Variants in ZNF93 observed in about 807,000 individuals in gnomAD.
ZNF93 encodes the protein zinc finger protein 93.
ZNF93 carries 29 observed loss-of-function variants against 45.0 expected under a neutral mutation model. The observed-to-expected ratio is 0.64, with a 90% CI of 0.48 to 0.88. The LOEUF is 0.88. Ranked by LOEUF, ZNF93 falls within the 40% of genes least tolerant of loss-of-function variation. The pLI, the probability that ZNF93 is intolerant of heterozygous loss-of-function variation, is 0.00. For synonymous variants in ZNF93, 223 were observed against 244.6 expected, an observed-to-expected ratio of 0.91 and a Z score of 0.82; for missense variants, 578 against 724.0, an observed-to-expected ratio of 0.80 and a Z score of 2.31.
intron 1 of ZNF93, among the ~76,000 whole-genome samples, chr19:19,910,354 A>C (rs1230973599): frequency 6.6e-6 from 1 of 152,194 alleles, no homozygotes; most frequent in Non-Finnish European, 1.5e-5. Flanking sequence ...CACTATTGCC[A>C]CAAGTAATTA....
In ZNF93 at chr19:19,900,957, C is replaced by G; in HGVS notation, c.-132C>G. 6.9e-7 allele frequency: 1 copy of G among 1,444,210 alleles called. No homozygotes were observed. The allele number at this position is 1,444,210 out of a possible 1,614,324, so 89.5% of individuals were successfully genotyped here. On this transcript the variant is annotated 5_prime_UTR_variant, in exon 1 of 4. Transcript: ENST00000343769. ...TTGGCGGGTCCTTTGTCTCTCGGTG[C>G]AGCCGGAGCTCCAGGTCTCCTCTTC... is the stretch of plus-strand genomic sequence containing the variant.
At chr19:19,916,382 G>A (rs1360461702) in intron 2 of ZNF93, among the ~76,000 whole-genome samples, 178 bp from the exon 3 acceptor site, 17 of 152,146 alleles carry the variant, frequency 1.1e-4, no homozygotes. Flanking sequence ...ACAGGCGTGA[G>A]CCACTGCACC....
At position 19,934,698 on chromosome 19, in the gene ZNF93, T is replaced by G. The variant is rs2063387615; in HGVS notation, c.1743T>G (p.Ser581=). The change falls in exon 4 of 4, where the codon TCT becomes TCG. Residue 581 remains serine (S), a synonymous_variant. Coordinates refer to ENST00000343769, the MANE Select transcript of ZNF93 (RefSeq NM_031218.4). ...GKAFNHSATL[S]SHKKIHSGEK... is the part of the protein sequence containing the mutation. ...CTTTTAACCATTCTGCAACCCTTTC[T>G]TCACATAAGAAAATCCATTCTGGAG... 1 of 1,613,650 alleles carries G rather than the reference T, an allele frequency of 6.2e-7. No individual in the cohort carries two copies. The highest frequency in any genetic ancestry group is 8.5e-7 in the Non-Finnish European group (1 of 1,179,782).
In ZNF93 at chr19:19,933,862, CAT is replaced by C. The variant is rs776291638; in HGVS notation, c.909_910del (p.His303GlnfsTer13). On this transcript the variant is annotated frameshift_variant, in exon 4 of 4. Coordinates refer to ENST00000343769, the MANE Select transcript of ZNF93 (RefSeq NM_031218.4). LOFTEE classifies it high-confidence loss of function. ...AFNQSSTLTK[H>X]KKIHTGEKPY... is the part of the protein sequence containing the mutation. ...TAACCAATCCTCAACACTTACTAAA[CAT>C]AAGAAAATTCATACTGGAGAGAAGC... 6 of 1,613,026 alleles carry C rather than the reference CAT, an allele frequency of 3.7e-6. No individual in the cohort carries two copies. Among genetic ancestry groups the C allele is most frequent in the Admixed American group, 1.7e-5 (1 of 59,922 alleles).
At chr19:19,904,520 A>G (rs114357198) in intron 1 of ZNF93, among the ~76,000 whole-genome samples, 1 of 152,144 alleles carries the variant, frequency 6.6e-6, no homozygotes, top group Non-Finnish European at 1.5e-5. Flanking sequence ...TGTGTCTGGC[A>G]TCTGCAGTGA....
intron 3 of ZNF93, among the ~76,000 whole-genome samples, chr19:19,929,084 C>T (rs1440050758): frequency 6.6e-6 from 1 of 152,058 alleles, no homozygotes; most frequent in Non-Finnish European, 1.5e-5. Flanking sequence ...CTCTCGGTAA[C>T]CAAAAAGTTT....
intron 1 of ZNF93, among the ~76,000 whole-genome samples, chr19:19,910,475 G>C (rs2063304674): frequency 6.6e-6 from 1 of 151,980 alleles, no homozygotes; most frequent in Non-Finnish European, 1.5e-5. Context: ...AAAAATTTCT[G>C]ACAATCAACT....
rs184199564 is a variant in ZNF93, at chr19:19,931,313, C to T, written c.227-1869C>T. 2.9e-4 allele frequency among the ~76,000 whole-genome samples: 44 copies of T among 152,104 alleles called. No homozygotes were observed. The East Asian group carries it at 5.0e-3, about 17-fold the overall frequency. On this transcript the variant is annotated intron_variant, in intron 3 of 3. Transcript: ENST00000343769. ...CAAGTGATTCTCCTGCCTCAGCCCC[C>T]TGAGTAGCTGGGATTACAGGTGCAT...
At chr19:19,906,521 CTTTAG>C (rs1299157173) in intron 1 of ZNF93, among the ~76,000 whole-genome samples, 1 of 152,110 alleles carries the variant, frequency 6.6e-6, no homozygotes, top group Non-Finnish European at 1.5e-5. Context: ...GTGAAAACCT[CTTTAG>C]TTTAAATAGG....
At chr19:19,911,801 T>G (rs6511057) in intron 1 of ZNF93, among the ~76,000 whole-genome samples, 36,871 of 151,728 alleles carry the variant, frequency 0.24, 4,775 homozygotes, top group East Asian at 0.47. Flanking sequence ...CTGGTCTGGC[T>G]TGCAGTGGCA....
rs181623745 is a variant in ZNF93, at chr19:19,935,211, G to T, written c.*393G>T. On this transcript the variant is annotated 3_prime_UTR_variant, in exon 4 of 4. Coordinates refer to ENST00000343769, the MANE Select transcript of ZNF93 (RefSeq NM_031218.4). ...GCCAAAACATGCCCTAGTGTCTGCC[G>T]TACAGAGTGAAGTCCTGAAGGATAT... 4 of 193,496 alleles carry T rather than the reference G, an allele frequency of 2.1e-5. No homozygotes were observed. Among genetic ancestry groups the T allele is most frequent in the Non-Finnish European group, 3.2e-5 (3 of 94,060 alleles). The allele number at this position is 193,496 out of a possible 1,614,324, so 12.0% of individuals were successfully genotyped here.
chr19:19,916,958 C>G (rs1457165881), intron 3 of ZNF93, among the ~76,000 whole-genome samples: 1 of 152,036 alleles, frequency 6.6e-6, no homozygotes, highest in Non-Finnish European at 1.5e-5. Context: ...GGCTGCTTTT[C>G]CATTCTTTTG....
intron 3 of ZNF93, among the ~76,000 whole-genome samples, chr19:19,925,423 C>T (rs950143311): frequency 2.6e-5 from 4 of 152,108 alleles, no homozygotes; most frequent in Admixed American, 2.6e-4. Flanking sequence ...CTCATAAAGG[C>T]ATGTTTGTCA....
intron 3 of ZNF93, among the ~76,000 whole-genome samples, chr19:19,924,136 G>A (rs1401137654): frequency 2.0e-5 from 3 of 152,246 alleles, no homozygotes; most frequent in African/African-American, 7.2e-5. Context: ...TGCCCAGGCT[G>A]GAGTGCAATG....
chr19:19,928,573 G>T (rs932495303), intron 3 of ZNF93, among the ~76,000 whole-genome samples: 3 of 152,238 alleles, frequency 2.0e-5, no homozygotes, highest in Admixed American at 1.3e-4. Flanking sequence ...CACCCAGGCT[G>T]CAGTGCAGTG....
At chr19:19,926,984 GATTTGAAGGTAATTTTCA>G (rs2063358076) in intron 3 of ZNF93, 1 of 393,190 alleles carries the variant, frequency 2.5e-6, no homozygotes, top group Non-Finnish European at 4.5e-6. Flanking sequence ...ACACTTTTGT[GATTTGAAGGTAATTTTCA>G]AAAAGATTTA....
chr19:19,927,262 G>A (rs754128988), intron 3 of ZNF93: 8 of 398,174 alleles, frequency 2.0e-5, no homozygotes, highest in Admixed American at 8.8e-5. Context: ...CAGGCATGGT[G>A]GTGTGCAGCT....
chr19:19,933,038 T>C, intron 3 of ZNF93, 144 bp from the exon 4 acceptor site: 1 of 627,804 alleles, frequency 1.6e-6, no homozygotes, highest in Non-Finnish European at 2.4e-6. Flanking sequence ...GTTACATTTA[T>C]ATGTTCAGGA....
At chr19:19,920,792 C>G (rs1207004173) in intron 3 of ZNF93, among the ~76,000 whole-genome samples, 2 of 152,076 alleles carry the variant, frequency 1.3e-5, no homozygotes, top group African/African-American at 4.8e-5. Flanking sequence ...GTGGTGATAT[C>G]CCCTTTATCA....
Sources: gnomAD v4.1 joint callset for allele counts (sites outside exome capture counted in the v4.1 genomes callset) on GRCh38, gnomAD v4.1.1 for gene constraint, MANE v1.5 for transcripts, NCBI Gene and HGNC (gene_info 2026-07-23, HGNC 2026-07-21) for gene names.